VPS13B: variants seen among roughly 807,000 people sequenced by gnomAD.
VPS13B encodes the protein intermembrane lipid transfer protein VPS13B.
Under a neutral mutation model 426.4 loss-of-function variants are expected in VPS13B, and 285 were observed. The ratio of observed to expected loss-of-function variants is 0.67; its 90% CI spans 0.61 to 0.74. The LOEUF is 0.74. VPS13B is among the 30% of genes least tolerant of loss of function. The pLI, the probability that VPS13B is intolerant of heterozygous loss-of-function variation, is 0.00. For synonymous variants in VPS13B, 1,676 were observed against 1,676.4 expected, an observed-to-expected ratio of 1.00 and a Z score of 0.01; for missense variants, 4,537 against 4,782.6, an observed-to-expected ratio of 0.95 and a Z score of 1.51.
chr8:99,714,602 G>A (rs1832837508), intron 36 of VPS13B, among the ~76,000 whole-genome samples: 2 of 152,178 alleles, frequency 1.3e-5, no homozygotes, highest in South Asian at 4.1e-4. Context: ...TTAGCCATAT[G>A]ATCAGAGTTA....
rs890480341 is a variant in VPS13B, at chr8:99,525,689, C to T, written c.4745+4679C>T. On this transcript the variant is annotated intron_variant, in intron 30 of 61. Transcript: ENST00000357162. ...CAAAAGAAAGAAAAATCCCTGCTCT[C>T]ACAGAACTTACATTCTAATGGGAGA... 7.9e-5 allele frequency among the ~76,000 whole-genome samples: 12 copies of T among 152,282 alleles called. No homozygotes were observed. In the South Asian group the frequency reaches 8.3e-4, roughly 11 times the overall value.
At chr8:99,162,738 C>T (rs541487854) in intron 15 of VPS13B, among the ~76,000 whole-genome samples, 5 of 152,248 alleles carry the variant, frequency 3.3e-5, no homozygotes, top group African/African-American at 7.2e-5. Context: ...ATAAAAGCAG[C>T]GTGGACCCAA....
intron 59 of VPS13B, 49 bp from the exon 60 acceptor site, chr8:99,870,736 T>C (rs1817361143): frequency 6.4e-6 from 10 of 1,560,998 alleles, no homozygotes; most frequent in Non-Finnish European, 8.8e-6. Context: ...AGCATGAAAC[T>C]GTTTTCCAGA....
intron 2 of VPS13B, among the ~76,000 whole-genome samples, chr8:99,017,225 T>C (rs1381439166): frequency 6.6e-6 from 1 of 152,168 alleles, no homozygotes; most frequent in Non-Finnish European, 1.5e-5. Context: ...TCAGTTGATC[T>C]ATACCATTTG....
intron 29 of VPS13B, among the ~76,000 whole-genome samples, chr8:99,514,971 G>A (rs892854853): frequency 2.6e-5 from 4 of 152,228 alleles, no homozygotes; most frequent in Non-Finnish European, 5.9e-5. Context: ...GGGAGCTCAC[G>A]CTTAGCATAG....
intron 17 of VPS13B, among the ~76,000 whole-genome samples, chr8:99,256,175 A>G (rs72672337): frequency 0.086 from 13,022 of 152,142 alleles, 736 homozygotes; most frequent in African/African-American, 0.16. Context: ...CTTCTAGGAT[A>G]TATGAGCAAA....
chr8:99,312,803 A>G (rs992817154), intron 19 of VPS13B, among the ~76,000 whole-genome samples: 2 of 152,212 alleles, frequency 1.3e-5, no homozygotes, highest in Non-Finnish European at 2.9e-5. Flanking sequence ...TTTCAAGTAC[A>G]CCAATCAGAC....
chr8:99,100,228 T>C (rs893126856), intron 4 of VPS13B, among the ~76,000 whole-genome samples: 30 of 152,206 alleles, frequency 2.0e-4, no homozygotes, highest in African/African-American at 7.2e-4. Context: ...TCTTTTACTT[T>C]GGTGAAGTGG....
At chr8:99,859,049 G>T (rs953669911) in intron 56 of VPS13B, among the ~76,000 whole-genome samples, 1 of 152,160 alleles carries the variant, frequency 6.6e-6, no homozygotes, top group African/African-American at 2.4e-5. Flanking sequence ...AATATGGGAG[G>T]CTTGGGCAAG....
chr8:99,722,327 T>A (rs959051245), intron 39 of VPS13B, among the ~76,000 whole-genome samples: 2 of 152,230 alleles, frequency 1.3e-5, no homozygotes, highest in Non-Finnish European at 2.9e-5. Context: ...TTTACTTGCG[T>A]GTGATCTTTC....
intron 17 of VPS13B, among the ~76,000 whole-genome samples, chr8:99,230,095 AAG>A (rs1265668700): frequency 6.6e-6 from 1 of 152,186 alleles, no homozygotes; most frequent in Non-Finnish European, 1.5e-5. Context: ...TTTTGCTTTT[AAG>A]TAACTATTAC....
intron 30 of VPS13B, among the ~76,000 whole-genome samples, chr8:99,544,798 CT>C (rs1435154102): frequency 1.3e-5 from 2 of 152,280 alleles, no homozygotes; most frequent in Middle Eastern, 3.4e-3. Context: ...GTTTCAAGCC[CT>C]GCCTAATAAT....
chr8:99,089,327 G>A (rs1018241437), intron 3 of VPS13B, among the ~76,000 whole-genome samples: 1 of 151,880 alleles, frequency 6.6e-6, no homozygotes, highest in African/African-American at 2.4e-5. Context: ...CCTTCTGTTT[G>A]TAAACCAAAA....
chr8:99,529,023 T>G (rs1822787847), intron 30 of VPS13B, among the ~76,000 whole-genome samples: 1 of 152,056 alleles, frequency 6.6e-6, no homozygotes, highest in Non-Finnish European at 1.5e-5. Flanking sequence ...TTTTAAAAAT[T>G]TATAAATAAA....
chr8:99,305,860 G>A (rs1045213436), intron 19 of VPS13B, among the ~76,000 whole-genome samples: 1 of 152,056 alleles, frequency 6.6e-6, no homozygotes, highest in Admixed American at 6.6e-5. Context: ...CACTCTGCTA[G>A]TTTCTTCCTC....
intron 12 of VPS13B, among the ~76,000 whole-genome samples, chr8:99,142,682 A>G (rs930212795): frequency 6.6e-6 from 1 of 152,212 alleles, no homozygotes; most frequent in Non-Finnish European, 1.5e-5. Context: ...GAATTACTAG[A>G]TATAAGCCAA....
chr8:99,135,227 C>CTA, intron 10 of VPS13B, 90 bp downstream of exon 10: 1 of 1,522,564 alleles, frequency 6.6e-7, no homozygotes, highest in Non-Finnish European at 9.0e-7. Context: ...ATCTGTTAGA[C>CTA]TATATATATC....
intron 17 of VPS13B, among the ~76,000 whole-genome samples, chr8:99,208,233 A>T (rs567893863): frequency 1.3e-5 from 2 of 152,298 alleles, no homozygotes; most frequent in East Asian, 3.9e-4. Context: ...GCACCAAGCC[A>T]TGAGGGATCC....
intron 7 of VPS13B, among the ~76,000 whole-genome samples, chr8:99,117,007 A>G (rs1847694061): frequency 6.6e-6 from 1 of 151,814 alleles, no homozygotes; most frequent in South Asian, 2.1e-4. Context: ...AGAATGGCAG[A>G]AAGTTTGATA....
Sources: allele counts gnomAD v4.1 joint callset (sites outside exome capture counted in the v4.1 genomes callset), GRCh38; gene constraint gnomAD v4.1.1; transcripts MANE v1.5; gene names NCBI Gene and HGNC (gene_info 2026-07-23, HGNC 2026-07-21).